The following NUCKS1 variants were observed in gnomAD, a reference collection of about 807,000 sequenced individuals.
NUCKS1 encodes the protein nuclear casein kinase and cyclin dependent kinase substrate 1, also known as nuclear ubiquitous casein and cyclin-dependent kinase substrate 1.
A neutral mutation model predicts 33.0 loss-of-function variants in NUCKS1; 2 were observed. The observed-to-expected ratio is 0.06, with a 90% CI of 0.02 to 0.19. The LOEUF is 0.19. Among genes scored for constraint, NUCKS1 ranks in the 10% least tolerant of loss-of-function variants. The pLI is 1.00. For missense variants in NUCKS1, 201 were observed against 293.6 expected (o/e 0.68, Z 2.31); for synonymous variants, 106 against 102.8 (o/e 1.03, Z -0.19).
intron 1 of NUCKS1, among the ~76,000 whole-genome samples, chr1:205,749,073 T>G (rs937896656): frequency 2.0e-5 from 3 of 152,118 alleles, no homozygotes; most frequent in Non-Finnish European, 4.4e-5. Flanking sequence ...CTTTTATTAC[T>G]AAAGTCACTC....
chr1:205,744,446 T>G (rs118053373), intron 1 of NUCKS1, among the ~76,000 whole-genome samples: 3 of 152,154 alleles, frequency 2.0e-5, no homozygotes, highest in African/African-American at 7.2e-5. Context: ...CTAATTCTAC[T>G]AAGTGAGGAA....
chr1:205,739,746 T>C (rs919647242), intron 1 of NUCKS1, among the ~76,000 whole-genome samples: 8 of 151,844 alleles, frequency 5.3e-5, no homozygotes, highest in African/African-American at 1.9e-4. Flanking sequence ...TGCAACACCA[T>C]GTCTGGCTGA....
chr1:205,727,876 A>G, intron 2 of NUCKS1, 71 bp from the exon 3 acceptor site: 1 of 1,005,150 alleles, frequency 9.9e-7, no homozygotes, highest in Non-Finnish European at 1.5e-6. Context: ...ATTTACTGAC[A>G]TAATTATCTC....
chr1:205,743,430 A>G (rs1654231830), intron 1 of NUCKS1, among the ~76,000 whole-genome samples: 1 of 152,224 alleles, frequency 6.6e-6, no homozygotes, highest in African/African-American at 2.4e-5. Flanking sequence ...CTCCCCAATA[A>G]TTAATCACTA....
chr1:205,735,875 G>A (rs1240543036), intron 1 of NUCKS1, among the ~76,000 whole-genome samples: 1 of 152,000 alleles, frequency 6.6e-6, no homozygotes, highest in Non-Finnish European at 1.5e-5. Context: ...TAAAAGTATT[G>A]GTTCTAGTAT....
At chr1:205,719,324 A>C (rs1671881745) in intron 6 of NUCKS1, among the ~76,000 whole-genome samples, 1 of 152,238 alleles carries the variant, frequency 6.6e-6, no homozygotes, top group East Asian at 1.9e-4. Flanking sequence ...AACATGGCTA[A>C]GCCCACTAGA....
Position 205,718,278 on chromosome 1 carries a change from T to G in NUCKS1, c.*2A>C, listed in dbSNP as rs910922290. The stretch of plus-strand genomic sequence containing the variant: ...AAATCTCTCCCCAGACCATCATCAC[T>G]TTTAATCCTCCCCAGAAGGGGCTTC... On this transcript the variant is annotated 3_prime_UTR_variant, in exon 7 of 7. Coordinates refer to ENST00000367142, the MANE Select transcript of NUCKS1 (RefSeq NM_022731.5). 1.9e-6 allele frequency: 3 copies of G among 1,609,500 alleles called. No homozygotes were observed. In the African/African-American group the frequency reaches 4.0e-5, roughly 22 times the overall value.
intron 1 of NUCKS1, among the ~76,000 whole-genome samples, chr1:205,741,935 A>G (rs1654186916): frequency 6.6e-6 from 1 of 152,208 alleles, no homozygotes; most frequent in South Asian, 2.1e-4. Flanking sequence ...ATTTTTACTC[A>G]GAGAATTCCA....
At chr1:205,740,194 G>A (rs936498855) in intron 1 of NUCKS1, among the ~76,000 whole-genome samples, 1 of 150,028 alleles carries the variant, frequency 6.7e-6, no homozygotes. Context: ...TAGTAGAGAA[G>A]GGGTTTCACC....
intron 1 of NUCKS1, chr1:205,731,136 C>G (rs541923582): frequency 9.2e-5 from 14 of 152,116 alleles, no homozygotes; most frequent in Non-Finnish European, 1.8e-4. Context: ...CTATGAAAGC[C>G]TCACAGATTT....
rs566039294 is a variant in NUCKS1 at position 205,713,104 on chromosome 1, G to A, written c.*5176C>T. The A allele has an allele frequency of 1.2e-4, 18 of 152,252 alleles. No homozygotes were observed. Among genetic ancestry groups the A allele is most frequent in the African/African-American group, 4.3e-4 (18 of 41,562 alleles). 9.4% of individuals were successfully genotyped at this position (152,252 alleles called of 1,614,324 possible). ...TATTAGGGAAATAAGTTCCCACAAA[G>A]TCAGGCTGAACTGGGAGCTGATTAA... On this transcript the variant is annotated 3_prime_UTR_variant, in exon 7 of 7. Transcript: ENST00000367142.
At chr1:205,738,932 T>C (rs1654098002) in intron 1 of NUCKS1, among the ~76,000 whole-genome samples, 1 of 152,118 alleles carries the variant, frequency 6.6e-6, no homozygotes, top group African/African-American at 2.4e-5. Context: ...ACATAAAATT[T>C]AAATCAAATG....
At chr1:205,736,951 T>A (rs1231846819) in intron 1 of NUCKS1, among the ~76,000 whole-genome samples, 1 of 152,156 alleles carries the variant, frequency 6.6e-6, no homozygotes, top group Non-Finnish European at 1.5e-5. Context: ...GGTCTAAATC[T>A]AACCCCTCCT....
intron 1 of NUCKS1, among the ~76,000 whole-genome samples, chr1:205,731,518 C>T (rs922819661): frequency 2.6e-5 from 4 of 152,180 alleles, no homozygotes; most frequent in African/African-American, 9.7e-5. Flanking sequence ...AGTACCCAAA[C>T]AGCCTACCTG....
chr1:205,742,695 G>A (rs1158556189), intron 1 of NUCKS1, among the ~76,000 whole-genome samples: 1 of 152,126 alleles, frequency 6.6e-6, no homozygotes, highest in South Asian at 2.1e-4. Context: ...CGTGGTGGCG[G>A]GCGCCTGTAG....
Position 205,715,271 on chromosome 1 carries a change from A to G in NUCKS1, c.*3009T>C, listed in dbSNP as rs1671803358. 6.6e-6 allele frequency: 1 copy of G among 152,250 alleles called. No individual in the cohort carries two copies. The highest frequency in any genetic ancestry group is 2.1e-4 in the South Asian group (1 of 4,834). 9.4% of individuals were successfully genotyped at this position (152,250 alleles called of 1,614,324 possible). A position where few individuals can be genotyped will look rare whatever the true frequency, so the allele number is the denominator to read the frequency against. On this transcript the variant is annotated 3_prime_UTR_variant, in exon 7 of 7. Coordinates refer to ENST00000367142, the MANE Select transcript of NUCKS1 (RefSeq NM_022731.5). ...ACTGGGGCAAACAGGTTATTGTGAAAACAGTCAATATGTAAGCTCCTTCAA... is the reference window on the plus strand; with the variant it reads ...ACTGGGGCAAACAGGTTATTGTGAAGACAGTCAATATGTAAGCTCCTTCAA...
intron 1 of NUCKS1, among the ~76,000 whole-genome samples, chr1:205,744,158 A>G (rs1323930266): frequency 6.6e-6 from 1 of 152,220 alleles, no homozygotes; most frequent in Non-Finnish European, 1.5e-5. Flanking sequence ...CTTGCTCCAA[A>G]GAAGACAAAA....
intron 1 of NUCKS1, among the ~76,000 whole-genome samples, chr1:205,743,030 CT>C (rs541522248): frequency 1.1e-3 from 164 of 152,186 alleles, no homozygotes; most frequent in South Asian, 3.5e-3. Flanking sequence ...ATGCTCAATA[CT>C]TTTTAAGTTC....
At chr1:205,738,110 C>T (rs1222986516) in intron 1 of NUCKS1, among the ~76,000 whole-genome samples, 2 of 152,064 alleles carry the variant, frequency 1.3e-5, no homozygotes. Context: ...ACTGCAACCT[C>T]TACCTCCCGG....
Sources: allele counts gnomAD v4.1 joint callset (sites outside exome capture counted in the v4.1 genomes callset), GRCh38; gene constraint gnomAD v4.1.1; transcripts MANE v1.5; gene names NCBI Gene and HGNC (gene_info 2026-07-23, HGNC 2026-07-21).